Variants in SEMA3D observed in about 807,000 individuals in gnomAD.
SEMA3D encodes the protein semaphorin 3D, also known as semaphorin-3D.
Under a neutral mutation model 100.1 loss-of-function variants are expected in SEMA3D, and 84 were observed. That is an observed-to-expected ratio of 0.84 (90% CI 0.70 to 1.01). The LOEUF is 1.01. SEMA3D is among the 50% of genes least tolerant of loss of function. The pLI, the probability that SEMA3D is intolerant of heterozygous loss-of-function variation, is 0.00. For missense variants in SEMA3D, 875 were observed against 934.1 expected (o/e 0.94, Z 0.82); for synonymous variants, 312 against 320.7 (o/e 0.97, Z 0.29).
chr7:85,145,145 A>T (rs927411125), intron 2 of SEMA3D, among the ~76,000 whole-genome samples: 2 of 152,182 alleles, frequency 1.3e-5, no homozygotes, highest in Non-Finnish European at 2.9e-5. Context: ...CAAGTATGGG[A>T]ATCATGTTGA....
At chr7:85,030,810 A>T (rs1359758287) in intron 12 of SEMA3D, among the ~76,000 whole-genome samples, 2 of 152,058 alleles carry the variant, frequency 1.3e-5, no homozygotes, top group Non-Finnish European at 2.9e-5. Context: ...GTTTTCTAGC[A>T]GTCTGTTATT....
chr7:85,013,961 G>A (rs1460843867), intron 16 of SEMA3D, among the ~76,000 whole-genome samples: 1 of 151,818 alleles, frequency 6.6e-6, no homozygotes, highest in Admixed American at 6.6e-5. Context: ...TAATGAGCAA[G>A]TTCTTGGCCA....
the SEMA3D span, among the ~76,000 whole-genome samples, chr7:85,242,076 T>C: frequency 2.4e-3 from 372 of 152,204 alleles, 1 homozygote; most frequent in African/African-American, 8.8e-3. Flanking sequence ...TGTTTTCTGC[T>C]TTGTTAATCT....
rs139318592 is a variant in SEMA3D at position 85,028,191 on chromosome 7, G to A, written c.1192-5578C>T. ...GCTACCCATAGGAGGTGTCTTCTAT[G>A]GTTCTGACAAAGATGAAGGAAATTG... On this transcript the variant is annotated intron_variant, in intron 12 of 18. Coordinates refer to ENST00000284136, the MANE Select transcript of SEMA3D (RefSeq NM_001384900.1). 8.6e-4 allele frequency: 566 copies of A among 656,668 alleles called. 6 individuals carry two copies. The African/African-American group carries it at 9.0e-3, about 10-fold the overall frequency. 40.7% of individuals were successfully genotyped at this position (656,668 alleles called of 1,614,324 possible).
At chr7:85,199,314 C>T in the SEMA3D span, among the ~76,000 whole-genome samples, 5 of 136,110 alleles carry the variant, frequency 3.7e-5, no homozygotes, top group Non-Finnish European at 6.7e-5. Context: ...TTAACATTAT[C>T]GTTATTATCA....
At position 84,998,858 on chromosome 7, in the gene SEMA3D, C is replaced by T. The variant is rs750272456; in HGVS notation, c.*582G>A. On this transcript the variant is annotated 3_prime_UTR_variant, in exon 19 of 19. Transcript: ENST00000284136. ...TTCAGTAAATCAATGTTGTAGTACA[C>T]TAAATTTAACCCCAGTGGCCAGAAA... 1 of 153,612 alleles carries T rather than the reference C, an allele frequency of 6.5e-6. No homozygotes were observed. Among genetic ancestry groups the T allele is most frequent in the African/African-American group, 2.4e-5 (1 of 41,428 alleles). 9.5% of individuals were successfully genotyped at this position (153,612 alleles called of 1,614,324 possible). A position where few individuals can be genotyped will look rare whatever the true frequency, so the allele number is the denominator to read the frequency against.
rs1370416274 is a variant in SEMA3D at position 85,096,540 on chromosome 7, T to G, written c.312+1265A>C. On this transcript the variant is annotated intron_variant, in intron 4 of 18. Transcript: ENST00000284136. The stretch of plus-strand genomic sequence containing the variant: ...ATCCAAAAACACAGATTACATGAAA[T>G]GTATGTGTATACATTTGCAGAAATA... 4.6e-5 allele frequency among the ~76,000 whole-genome samples: 7 copies of G among 151,888 alleles called. No individual in the cohort carries two copies. The East Asian group carries it at 1.4e-3, about 29-fold the overall frequency.
intron 1 of SEMA3D, among the ~76,000 whole-genome samples, chr7:85,156,115 T>C (rs538110677): frequency 5.3e-4 from 80 of 151,758 alleles, no homozygotes; most frequent in Non-Finnish European, 1.1e-3. Flanking sequence ...TTTTTTTTTT[T>C]TTTTTGAGAT....
chr7:85,082,596 A>G (rs943012374), intron 4 of SEMA3D, among the ~76,000 whole-genome samples: 5 of 152,210 alleles, frequency 3.3e-5, no homozygotes, highest in African/African-American at 9.6e-5. Context: ...ATATTTTAAT[A>G]GGTGACAAAA....
chr7:85,181,026 G>C (rs935010828), intron 1 of SEMA3D, among the ~76,000 whole-genome samples: 3 of 152,080 alleles, frequency 2.0e-5, no homozygotes, highest in African/African-American at 7.2e-5. Flanking sequence ...ATGAGTTTGG[G>C]AAGAAAGATC....
intron 3 of SEMA3D, among the ~76,000 whole-genome samples, chr7:85,107,297 T>C (rs1788956086): frequency 6.6e-6 from 1 of 152,054 alleles, no homozygotes; most frequent in Admixed American, 6.6e-5. Flanking sequence ...CAGATGAAAG[T>C]TCTTAATCAC....
the SEMA3D span, among the ~76,000 whole-genome samples, chr7:85,196,712 A>T: frequency 6.6e-6 from 1 of 152,180 alleles, no homozygotes; most frequent in East Asian, 1.9e-4. Context: ...AATATTTTTT[A>T]AATTTTATAA....
chr7:85,199,117 T>C, the SEMA3D span, among the ~76,000 whole-genome samples: 31 of 152,186 alleles, frequency 2.0e-4, no homozygotes, highest in South Asian at 6.0e-3. Context: ...TAGTTTTTAA[T>C]TGTGTTATTT....
intron 1 of SEMA3D, among the ~76,000 whole-genome samples, chr7:85,154,360 A>G (rs1790520136): frequency 6.6e-6 from 1 of 152,006 alleles, no homozygotes; most frequent in Non-Finnish European, 1.5e-5. Context: ...TTTATTTTTT[A>G]GAAAGATGGA....
At position 85,048,953 on chromosome 7, in the gene SEMA3D, T is replaced by G. The variant is rs1791082797; in HGVS notation, c.862-6668A>C. Among the ~76,000 whole-genome samples, 3 of 151,986 alleles carry G rather than the reference T, an allele frequency of 2.0e-5. No individual in the cohort carries two copies. In the South Asian group the frequency reaches 6.2e-4, roughly 31 times the overall value. On this transcript the variant is annotated intron_variant, in intron 9 of 18. Coordinates refer to ENST00000284136, the MANE Select transcript of SEMA3D (RefSeq NM_001384900.1). ...ATTTTTTAACATAAAGAGAAATTTA[T>G]GGATACCGTTTCTCTTTACCAGAGG... is the stretch of plus-strand genomic sequence containing the variant.
intron 2 of SEMA3D, among the ~76,000 whole-genome samples, chr7:85,134,328 G>A (rs1308376291): frequency 6.6e-6 from 1 of 151,934 alleles, no homozygotes; most frequent in East Asian, 1.9e-4. Context: ...GCTTAGAAAT[G>A]GTTTTGACAG....
chr7:85,154,102 G>A (rs1443268413), intron 1 of SEMA3D, among the ~76,000 whole-genome samples: 2 of 151,998 alleles, frequency 1.3e-5, no homozygotes, highest in African/African-American at 4.8e-5. Context: ...AACCATTACA[G>A]AAACCCTTAT....
chr7:85,078,963 A>T (rs1359942255), intron 5 of SEMA3D, among the ~76,000 whole-genome samples: 2 of 152,142 alleles, frequency 1.3e-5, no homozygotes, highest in Non-Finnish European at 2.9e-5. Flanking sequence ...AAAAATGAGG[A>T]TCTATGTTCT....
intron 1 of SEMA3D, among the ~76,000 whole-genome samples, chr7:85,176,972 C>T (rs1791251939): frequency 6.6e-6 from 1 of 152,114 alleles, no homozygotes; most frequent in African/African-American, 2.4e-5. Context: ...ATACTTCACA[C>T]TGTGTCATAG....
Sources: allele counts gnomAD v4.1 joint callset (sites outside exome capture counted in the v4.1 genomes callset), GRCh38; gene constraint gnomAD v4.1.1; transcripts MANE v1.5; gene names NCBI Gene and HGNC (gene_info 2026-07-23, HGNC 2026-07-21).